Variants in PVT1 observed in about 807,000 individuals in gnomAD.
PVT1 encodes the protein Pvt1 oncogene, also known as CXCR4/PVT1 fusion.
chr8:127,960,943 TG>T (rs1219833158), intron 3 of PVT1, among the ~76,000 whole-genome samples: 2,866 of 27,670 alleles, frequency 0.1, 57 homozygotes, highest in South Asian at 0.3. Flanking sequence ...TGTTTGGGGG[TG>T]GGGGGGGCGG....
chr8:128,028,336 G>A (rs1813344468), intron 4 of PVT1, among the ~76,000 whole-genome samples: 1 of 152,234 alleles, frequency 6.6e-6, no homozygotes, highest in Non-Finnish European at 1.5e-5. Context: ...CATGGGTATT[G>A]CGTCCAGGGC....
intron 2 of PVT1, among the ~76,000 whole-genome samples, chr8:127,814,710 C>T (rs375475450): frequency 6.6e-6 from 1 of 152,176 alleles, no homozygotes; most frequent in East Asian, 1.9e-4. Flanking sequence ...CCATTTCTAA[C>T]TGTACAATTC....
intron 3 of PVT1, among the ~76,000 whole-genome samples, chr8:127,907,954 C>G (rs1815843227): frequency 6.6e-6 from 1 of 152,164 alleles, no homozygotes; most frequent in Non-Finnish European, 1.5e-5. Flanking sequence ...AAGCAGCGAA[C>G]AAGAGGCTGA....
At position 127,935,069 on chromosome 8, in the gene PVT1, C is replaced by T. The variant is rs10107931; in HGVS notation, n.782+44071C>T. On this transcript the variant is annotated intron_variant and non_coding_transcript_variant, in intron 3 of 10. Coordinates refer to ENST00000651587, the Ensembl canonical transcript of PVT1. ...GCAACCTCTGCCTCCCAGGTTCAAG[C>T]CATTCTCCTGCCTCAGCCGCCGTAG... Among the ~76,000 whole-genome samples, 1,129 of 152,190 alleles carry T rather than the reference C, an allele frequency of 7.4e-3. 15 individuals are homozygous for T. The highest frequency in any genetic ancestry group is 0.026 in the African/African-American group (1,067 of 41,486).
chr8:127,841,127 T>G (rs976371500), intron 2 of PVT1, among the ~76,000 whole-genome samples: 2 of 152,202 alleles, frequency 1.3e-5, no homozygotes, highest in African/African-American at 4.8e-5. Flanking sequence ...AGAGGGCATT[T>G]GAGAGTAAGG....
chr8:127,932,420 G>A lies in PVT1; in HGVS notation n.782+41422G>A. ...AGGAGGCTCGAACATGGGAGGACAT[G>A]CGAGAACTATTGTCACATGAGTTTT... On this transcript the variant is annotated intron_variant and non_coding_transcript_variant, in intron 3 of 10. Transcript: ENST00000651587. 4 of 398,648 alleles carry A rather than the reference G, an allele frequency of 1.0e-5. No homozygotes were observed. The East Asian group carries it at 1.1e-4, about 11-fold the overall frequency. 24.7% of individuals were successfully genotyped at this position (398,648 alleles called of 1,614,324 possible).
At chr8:128,080,460 A>C (rs908180043) in intron 5 of PVT1, among the ~76,000 whole-genome samples, 1 of 152,092 alleles carries the variant, frequency 6.6e-6, no homozygotes, top group African/African-American at 2.4e-5. Context: ...TGTTGTTTTA[A>C]TTTGCACTTC....
intron 2 of PVT1, among the ~76,000 whole-genome samples, chr8:127,828,760 G>A (rs1814819046): frequency 6.6e-6 from 1 of 152,098 alleles, no homozygotes. Flanking sequence ...CCTTCCATGT[G>A]TGTCCTCGTG....
intron 2 of PVT1, among the ~76,000 whole-genome samples, chr8:127,885,665 G>T (rs1173534152): frequency 1.3e-5 from 2 of 152,158 alleles, no homozygotes; most frequent in South Asian, 4.1e-4. Flanking sequence ...GGGGTCGGGG[G>T]TGTAGGTAAC....
chr8:127,959,667 G>A (rs1586456200), intron 3 of PVT1, among the ~76,000 whole-genome samples: 2 of 151,886 alleles, frequency 1.3e-5, no homozygotes, highest in African/African-American at 4.8e-5. Context: ...AAGGAAAGGA[G>A]GCAGGAAACA....
At chr8:127,991,116 G>A (rs541407520) in intron 4 of PVT1, among the ~76,000 whole-genome samples, 3 of 150,268 alleles carry the variant, frequency 2.0e-5, no homozygotes, top group African/African-American at 4.9e-5. Context: ...GGAGCCCTAC[G>A]TAGCTCTTTT....
At chr8:127,914,022 G>C (rs944801814) in intron 3 of PVT1, among the ~76,000 whole-genome samples, 1 of 152,018 alleles carries the variant, frequency 6.6e-6, no homozygotes, top group Non-Finnish European at 1.5e-5. Context: ...GGCAGCATAC[G>C]AGTTTGCTAT....
At chr8:127,925,077 C>T (rs879515192) in intron 3 of PVT1, among the ~76,000 whole-genome samples, 6 of 152,166 alleles carry the variant, frequency 3.9e-5, no homozygotes, top group African/African-American at 7.2e-5. Flanking sequence ...CAATTCTCTG[C>T]GTGCTAAGAA....
At chr8:128,076,269 G>A (rs1483668539) in intron 5 of PVT1, among the ~76,000 whole-genome samples, 2 of 152,120 alleles carry the variant, frequency 1.3e-5, no homozygotes, top group East Asian at 1.9e-4. Context: ...GAATAACTGG[G>A]CCTACACACT....
At chr8:127,998,635 C>T (rs1034266259) in intron 4 of PVT1, among the ~76,000 whole-genome samples, 1 of 145,646 alleles carries the variant, frequency 6.9e-6, no homozygotes, top group African/African-American at 2.6e-5. Flanking sequence ...CCCTCACTCC[C>T]TCCTTCCTTC....
chr8:128,016,193 C>T (rs1817372058), intron 4 of PVT1, among the ~76,000 whole-genome samples: 1 of 151,808 alleles, frequency 6.6e-6, no homozygotes, highest in Non-Finnish European at 1.5e-5. Flanking sequence ...AGGAGGATCA[C>T]CAGAATCTGG....
At chr8:128,078,156 T>C (rs1875025) in intron 5 of PVT1, among the ~76,000 whole-genome samples, 40,284 of 152,046 alleles carry the variant, frequency 0.26, 5,734 homozygotes, top group East Asian at 0.47. Flanking sequence ...CGTTGGAAGA[T>C]GTAGGGTTCT....
At chr8:127,903,641 A>G (rs575386152) in intron 3 of PVT1, among the ~76,000 whole-genome samples, 1 of 152,326 alleles carries the variant, frequency 6.6e-6, no homozygotes, top group Admixed American at 6.5e-5. Flanking sequence ...TCTTCTGCAT[A>G]TGGATAGCCA....
Position 127,837,423 on chromosome 8 carries a change from A to G in PVT1, n.372+41352A>G, listed in dbSNP as rs537381027. ...TTTTTTTTTTTGAATACCGGAAATT[A>G]AGGGGAAATTCGGAAACCTCATAAT... is the stretch of plus-strand genomic sequence containing the variant. On this transcript the variant is annotated intron_variant and non_coding_transcript_variant, in intron 2 of 10. Transcript: ENST00000651587. Among the ~76,000 whole-genome samples, 87 of 149,772 alleles carry G rather than the reference A, an allele frequency of 5.8e-4. 1 individual carries two copies. The highest frequency in any genetic ancestry group is 1.9e-3 in the African/African-American group (79 of 40,800).
Sources: gnomAD v4.1 joint callset for allele counts (sites outside exome capture counted in the v4.1 genomes callset) on GRCh38, gnomAD v4.1.1 for gene constraint, MANE v1.5 for transcripts, NCBI Gene and HGNC (gene_info 2026-07-23, HGNC 2026-07-21) for gene names.